DNAJC15: variants seen among roughly 807,000 people sequenced by gnomAD.
DNAJC15 encodes the protein dnaJ homolog subfamily C member 15.
A neutral mutation model predicts 22.4 loss-of-function variants in DNAJC15; 27 were observed. The ratio of observed to expected loss-of-function variants is 1.20; its 90% confidence interval spans 0.89 to 1.66. The LOEUF is 1.66. Among genes scored for constraint, DNAJC15 ranks in the 40% most tolerant of loss-of-function variants. The pLI, the probability that DNAJC15 is intolerant of heterozygous loss-of-function variation, is 0.00. For missense variants in DNAJC15, 208 were observed against 187.1 expected, an observed-to-expected ratio of 1.11 and a Z score of -0.65; for synonymous variants, 79 against 63.2, an observed-to-expected ratio of 1.25 and a Z score of -1.19.
At chr13:43,058,398 G>T (rs1019724711) in intron 1 of DNAJC15, among the ~76,000 whole-genome samples, 3 of 152,090 alleles carry the variant, frequency 2.0e-5, no homozygotes, top group East Asian at 3.9e-4. Flanking sequence ...GGTGGAAGGC[G>T]GCAGTGTGTA....
intron 4 of DNAJC15, among the ~76,000 whole-genome samples, chr13:43,082,107 CTA>C (rs1325357872): frequency 6.6e-6 from 1 of 151,826 alleles, no homozygotes; most frequent in African/African-American, 2.4e-5. Context: ...ATTATGGGAG[CTA>C]TAATTCAAGA....
At chr13:43,047,800 G>GAAAGTA (rs1278669949) in intron 1 of DNAJC15, among the ~76,000 whole-genome samples, 1 of 152,132 alleles carries the variant, frequency 6.6e-6, no homozygotes, top group Non-Finnish European at 1.5e-5. Flanking sequence ...GGCTTATTTA[G>GAAAGTA]AAAGTAAAAG....
intron 5 of DNAJC15, among the ~76,000 whole-genome samples, chr13:43,101,400 T>G (rs536349464): frequency 3.9e-5 from 6 of 152,198 alleles, no homozygotes; most frequent in Non-Finnish European, 7.3e-5. Flanking sequence ...CTTTCTCATT[T>G]AGTGTTATGA....
rs921335576 is a variant in DNAJC15 at position 43,110,683 on chromosome 13, T to C, written c.*3435T>C. On this transcript the variant is annotated 3_prime_UTR_variant, in exon 6 of 6. Coordinates refer to ENST00000379221, the MANE Select transcript of DNAJC15 (RefSeq NM_013238.3). Reference sequence around the variant, plus strand: ...TTAAAATGTATCCCTCTTTTTCTGGTGCATCCAGCAAAAGTAATATCATGA... The same window carrying C: ...TTAAAATGTATCCCTCTTTTTCTGGCGCATCCAGCAAAAGTAATATCATGA... The C allele has an allele frequency of 2.0e-5, 3 of 152,202 alleles. No individual in the cohort carries two copies. Among genetic ancestry groups the C allele is most frequent in the African/African-American group, 7.2e-5 (3 of 41,434 alleles). 9.4% of individuals were successfully genotyped at this position (152,202 alleles called of 1,614,324 possible). A position where few individuals can be genotyped will look rare whatever the true frequency, so the allele number is the denominator to read the frequency against.
At chr13:43,071,301 T>C (rs142889424) in intron 3 of DNAJC15, among the ~76,000 whole-genome samples, 3 of 152,228 alleles carry the variant, frequency 2.0e-5, no homozygotes, top group Admixed American at 6.5e-5. Flanking sequence ...TACTTAAGAG[T>C]CTGAGCCTGG....
At chr13:43,055,767 GGTTTGGGTTTGGT>G (rs1361654388) in intron 1 of DNAJC15, among the ~76,000 whole-genome samples, 1 of 151,926 alleles carries the variant, frequency 6.6e-6, no homozygotes, top group Non-Finnish European at 1.5e-5. Flanking sequence ...TCTCTTGCTG[GGTTTGGGTTTGGT>G]TTGTTCTTGT....
At chr13:43,089,064 TAA>T (rs1282512982) in intron 5 of DNAJC15, among the ~76,000 whole-genome samples, 1 of 152,220 alleles carries the variant, frequency 6.6e-6, no homozygotes, top group Middle Eastern at 3.2e-3. Flanking sequence ...TGACACATCA[TAA>T]ACTCTAAATT....
chr13:43,052,741 ATTTG>A (rs1566204900), intron 1 of DNAJC15, among the ~76,000 whole-genome samples: 2 of 151,904 alleles, frequency 1.3e-5, no homozygotes, highest in Non-Finnish European at 2.9e-5. Context: ...TGATGGCATT[ATTTG>A]TTTTTTTCTT....
chr13:43,049,427 G>A (rs891786024), intron 1 of DNAJC15, among the ~76,000 whole-genome samples: 1 of 152,186 alleles, frequency 6.6e-6, no homozygotes, highest in Non-Finnish European at 1.5e-5. Context: ...TTAGCCCAAG[G>A]ATATGATACT....
At chr13:43,027,822 A>C (rs1476161990) in intron 1 of DNAJC15, among the ~76,000 whole-genome samples, 1 of 151,996 alleles carries the variant, frequency 6.6e-6, no homozygotes, top group Admixed American at 6.6e-5. Context: ...ACGCCCAGCT[A>C]ATTTTTGTAT....
At chr13:43,050,574 T>G (rs2040498336) in intron 1 of DNAJC15, among the ~76,000 whole-genome samples, 1 of 152,050 alleles carries the variant, frequency 6.6e-6, no homozygotes, top group Non-Finnish European at 1.5e-5. Context: ...TATTCTTACT[T>G]CAGATTACAA....
chr13:43,051,535 G>A (rs763475165), intron 1 of DNAJC15, among the ~76,000 whole-genome samples: 3 of 152,174 alleles, frequency 2.0e-5, no homozygotes, highest in Non-Finnish European at 2.9e-5. Flanking sequence ...TTGGTTTTCC[G>A]TTCCTGAGTT....
chr13:43,089,169 T>TA (rs1473968066), intron 5 of DNAJC15, among the ~76,000 whole-genome samples: 2 of 152,202 alleles, frequency 1.3e-5, no homozygotes, highest in Non-Finnish European at 2.9e-5. Flanking sequence ...TGATAACTAA[T>TA]ACATTAAATA....
In DNAJC15 at chr13:43,109,347, C is replaced by A. The variant is rs1274257963; in HGVS notation, c.*2099C>A. The A allele has an allele frequency of 6.6e-6, 1 of 152,170 alleles. No individual in the cohort carries two copies. Among genetic ancestry groups the A allele is most frequent in the African/African-American group, 2.4e-5 (1 of 41,432 alleles). 9.4% of individuals were successfully genotyped at this position (152,170 alleles called of 1,614,324 possible). On this transcript the variant is annotated 3_prime_UTR_variant, in exon 6 of 6. Transcript: ENST00000379221. ...TAACCTCTTTACTCTGGAGCACTTGCATTTAGCAGGCATCATAAAGTTTTA... is the reference window on the plus strand; with the variant it reads ...TAACCTCTTTACTCTGGAGCACTTGAATTTAGCAGGCATCATAAAGTTTTA...
At chr13:43,061,654 G>T (rs1197992799) in intron 1 of DNAJC15, among the ~76,000 whole-genome samples, 1 of 152,252 alleles carries the variant, frequency 6.6e-6, no homozygotes, top group African/African-American at 2.4e-5. Flanking sequence ...AAGAGAGGGA[G>T]AGTGTGGTGG....
chr13:43,075,207 A>G (rs539320051), intron 3 of DNAJC15, among the ~76,000 whole-genome samples: 3 of 152,302 alleles, frequency 2.0e-5, no homozygotes, highest in Non-Finnish European at 4.4e-5. Flanking sequence ...ATACAGATTG[A>G]CTTACTCGTA....
intron 4 of DNAJC15, chr13:43,078,989 TCTCTAGA>T (rs1376949414): frequency 5.4e-6 from 1 of 186,810 alleles, no homozygotes; most frequent in African/African-American, 2.3e-5. Flanking sequence ...TGTGACATTC[TCTCTAGA>T]CTCAGTTTTA....
At chr13:43,105,360 C>G (rs190903242) in intron 5 of DNAJC15, among the ~76,000 whole-genome samples, 39 of 152,196 alleles carry the variant, frequency 2.6e-4, no homozygotes, top group Middle Eastern at 6.8e-3. Flanking sequence ...ATTAATGGAA[C>G]CTAATGTGAA....
chr13:43,093,257 A>G (rs1014884383), intron 5 of DNAJC15, among the ~76,000 whole-genome samples: 3 of 152,110 alleles, frequency 2.0e-5, no homozygotes, highest in African/African-American at 4.8e-5. Flanking sequence ...GTTTGTATGC[A>G]AAGTAATTTT....
Sources: allele counts gnomAD v4.1 joint callset (sites outside exome capture counted in the v4.1 genomes callset), GRCh38; gene constraint gnomAD v4.1.1; transcripts MANE v1.5; gene names NCBI Gene and HGNC (gene_info 2026-07-23, HGNC 2026-07-21).